The following PI4KB variants were observed in gnomAD, a reference collection of about 807,000 sequenced individuals.
PI4KB encodes the protein phosphatidylinositol 4-kinase beta.
A neutral mutation model predicts 81.4 loss-of-function variants in PI4KB; 23 were observed. The observed-to-expected ratio is 0.28, with a 90% CI of 0.20 to 0.40. The LOEUF (loss-of-function observed/expected upper bound fraction) is 0.40. Ranked by LOEUF, PI4KB falls within the 10% of genes least tolerant of loss-of-function variation. PI4KB has a pLI of 1.00. For synonymous variants in PI4KB, 381 were observed against 406.8 expected, an observed-to-expected ratio of 0.94 and a Z score of 0.76; for missense variants, 651 against 1,036.6, an observed-to-expected ratio of 0.63 and a Z score of 5.11.
At chr1:151,318,412 T>C (rs1648315984) in intron 1 of PI4KB, among the ~76,000 whole-genome samples, 1 of 121,818 alleles carries the variant, frequency 8.2e-6, no homozygotes, top group African/African-American at 3.3e-5. Flanking sequence ...TGAGACTCTG[T>C]CTCAAAAAAA....
intron 2 of PI4KB, among the ~76,000 whole-genome samples, chr1:151,315,135 C>T (rs766612139): frequency 2.0e-5 from 3 of 152,230 alleles, no homozygotes; most frequent in East Asian, 1.9e-4. Flanking sequence ...CCCACCACCA[C>T]GCCTGGCTAA....
intron 10 of PI4KB, 124 bp downstream of exon 10, chr1:151,294,285 G>A: frequency 6.9e-7 from 1 of 1,458,534 alleles, no homozygotes; most frequent in South Asian, 1.3e-5. Flanking sequence ...AGGAACTCCT[G>A]CCTCACCCCT....
At chr1:151,298,054 C>T (rs587725404) in intron 9 of PI4KB, among the ~76,000 whole-genome samples, 5 of 152,260 alleles carry the variant, frequency 3.3e-5, no homozygotes, top group African/African-American at 1.2e-4. Context: ...TTATGTGCCT[C>T]ACCTATATGT....
At position 151,301,766 on chromosome 1, in the gene PI4KB, T is replaced by C. The variant is rs115410716; in HGVS notation, c.1749+78A>G. The C allele has an allele frequency of 1.1e-3, 1,591 of 1,408,444 alleles. 11 individuals carry two copies. In the African/African-American group the frequency reaches 0.019, roughly 17 times the overall value. 87.2% of individuals were successfully genotyped at this position (1,408,444 alleles called of 1,614,324 possible). On this transcript the variant is annotated intron_variant, in intron 8 of 11. Coordinates refer to ENST00000368873, the MANE Select transcript of PI4KB (RefSeq NM_001369623.2). The stretch of plus-strand genomic sequence containing the variant: ...CCAGGCTGATCTTGAACTCCCGACT[T>C]TGTAATCCACCCGCCTCGGCCTCCC...
chr1:151,305,657 C>A (rs1695696825), intron 5 of PI4KB, among the ~76,000 whole-genome samples: 1 of 152,218 alleles, frequency 6.6e-6, no homozygotes, highest in South Asian at 2.1e-4. Context: ...TTGACTCTCA[C>A]CACACTACAA....
Position 151,316,381 on chromosome 1 carries a change from G to T in PI4KB, c.101C>A (p.Thr34Lys), listed in dbSNP as rs143664305. ...CACTGATAGTTCCCCGACCCCCTCC[G>T]TGATGACACTTAGCAGGGACCCCCC... ...NNGGSLLSVITEGVGELSVID... is the reference protein window; with the variant it reads ...NNGGSLLSVIKEGVGELSVID... Residue 34 changes from threonine to lysine, a missense_variant, in exon 2 of 12, where the codon ACG (threonine) becomes AAG (lysine). Physicochemically the swap from Thr to Lys is moderately conservative, Grantham distance 78. Coordinates refer to ENST00000368873, the MANE Select transcript of PI4KB (RefSeq NM_001369623.2). The T allele has an allele frequency of 8.1e-6, 13 of 1,606,838 alleles. No individual in the cohort carries two copies. The highest frequency in any genetic ancestry group is 1.1e-5 in the Non-Finnish European group (13 of 1,176,466).
At chr1:151,326,250 T>G (rs1649596135) in intron 1 of PI4KB, 1 of 1,496,970 alleles carries the variant, frequency 6.7e-7, no homozygotes, top group African/African-American at 1.4e-5. Context: ...TGTAATCTGA[T>G]AGGGACTTCT....
At chr1:151,323,420 T>A (rs991552170) in intron 1 of PI4KB, among the ~76,000 whole-genome samples, 4 of 128,008 alleles carry the variant, frequency 3.1e-5, no homozygotes, top group African/African-American at 1.2e-4. Flanking sequence ...GGCAGAACAA[T>A]CGCTTAAACC....
chr1:151,320,764 C>G (rs1224334555), intron 1 of PI4KB, among the ~76,000 whole-genome samples: 1 of 152,238 alleles, frequency 6.6e-6, no homozygotes, highest in African/African-American at 2.4e-5. Flanking sequence ...TTTAGGTCTG[C>G]TTAGAAACTC....
intron 1 of PI4KB, 52 bp from the exon 2 acceptor site, chr1:151,316,561 T>C (rs536308160): frequency 4.9e-4 from 659 of 1,332,802 alleles, no homozygotes; most frequent in Non-Finnish European, 6.1e-4. Flanking sequence ...CATACACACA[T>C]TGGTTAGTGG....
intron 3 of PI4KB, 60 bp downstream of exon 3, chr1:151,310,151 G>A (rs758043757): frequency 4.1e-5 from 51 of 1,234,902 alleles, no homozygotes; most frequent in Non-Finnish European, 5.2e-5. Flanking sequence ...ACCTGGGGAC[G>A]GAGAGGAAAT....
chr1:151,321,499 C>T (rs1648836568), intron 1 of PI4KB, among the ~76,000 whole-genome samples: 1 of 152,008 alleles, frequency 6.6e-6, no homozygotes, highest in African/African-American at 2.4e-5. Context: ...ATTCTCCTGC[C>T]TCAGCCTCCC....
At chr1:151,293,450 C>A in intron 11 of PI4KB, 2 of 1,222,210 alleles carry the variant, frequency 1.6e-6, no homozygotes, top group Non-Finnish European at 1.1e-6. Context: ...TGATCCTGAG[C>A]AACGGCGACA....
chr1:151,309,351 A>T (rs143140938), intron 3 of PI4KB, among the ~76,000 whole-genome samples: 1 of 152,262 alleles, frequency 6.6e-6, no homozygotes, highest in Non-Finnish European at 1.5e-5. Context: ...AAGTTACGTG[A>T]GCATGTTAGA....
chr1:151,318,973 G>A (rs1648441950), intron 1 of PI4KB, among the ~76,000 whole-genome samples: 1 of 152,098 alleles, frequency 6.6e-6, no homozygotes, highest in African/African-American at 2.4e-5. Context: ...AACATATAAT[G>A]GAAAGAGCTC....
At chr1:151,301,272 G>A (rs1394731822) in intron 8 of PI4KB, among the ~76,000 whole-genome samples, 1 of 152,176 alleles carries the variant, frequency 6.6e-6, no homozygotes, top group Non-Finnish European at 1.5e-5. Flanking sequence ...CTAGACTGCA[G>A]TGGCACAATC....
chr1:151,303,694 C>A, intron 5 of PI4KB, 44 bp from the exon 6 acceptor site: 2 of 1,263,246 alleles, frequency 1.6e-6, no homozygotes, highest in Non-Finnish European at 2.3e-6. Context: ...AAGTATAGGT[C>A]TCCCGTCTTT....
chr1:151,292,736 A>G lies in PI4KB; in HGVS notation c.*116T>C, dbSNP rs1470673428. Reference sequence around the variant, plus strand: ...TGATCCTTCGTGTTTCTTGCCTTCCATTTCCCTTGGGTGGATGGTTGGGTA... The same window carrying G: ...TGATCCTTCGTGTTTCTTGCCTTCCGTTTCCCTTGGGTGGATGGTTGGGTA... On this transcript the variant is annotated 3_prime_UTR_variant, in exon 12 of 12. Transcript: ENST00000368873. The G allele has an allele frequency of 2.0e-5, 19 of 928,642 alleles. No individual in the cohort carries two copies. Among genetic ancestry groups the G allele is most frequent in the African/African-American group, 6.7e-5 (4 of 60,072 alleles). The allele number at this position is 928,642 out of a possible 1,614,324, so 57.5% of individuals were successfully genotyped here.
At chr1:151,315,318 G>A (rs1230399382) in intron 2 of PI4KB, among the ~76,000 whole-genome samples, 3 of 152,156 alleles carry the variant, frequency 2.0e-5, no homozygotes, top group African/African-American at 4.8e-5. Flanking sequence ...AGTCAGGAGC[G>A]TCAGCCTTGC....
Sources: gnomAD v4.1 joint callset for allele counts (sites outside exome capture counted in the v4.1 genomes callset) on GRCh38, gnomAD v4.1.1 for gene constraint, MANE v1.5 for transcripts, NCBI Gene and HGNC (gene_info 2026-07-23, HGNC 2026-07-21) for gene names.